The following MASTL variants were observed in gnomAD, a reference collection of about 807,000 sequenced individuals.
MASTL encodes the protein microtubule associated serine/threonine kinase like, also known as serine/threonine-protein kinase greatwall.
MASTL carries 54 observed loss-of-function variants against 82.5 expected under a neutral mutation model. The ratio of observed to expected loss-of-function variants is 0.65; its 90% CI spans 0.53 to 0.82. The LOEUF (loss-of-function observed/expected upper bound fraction) is 0.82. Among genes scored for constraint, MASTL ranks in the 40% least tolerant of loss-of-function variants. The pLI is 0.00. For synonymous variants in MASTL, 323 were observed against 368.9 expected (o/e 0.88, Z 1.43); for missense variants, 950 against 1,047.8 (o/e 0.91, Z 1.29).
In MASTL at chr10:27,159,768, G is replaced by A. The variant is rs769807901; in HGVS notation, c.464+10G>A. 2 of 1,607,900 alleles carry A rather than the reference G, an allele frequency of 1.2e-6. No homozygotes were observed. The highest frequency in any genetic ancestry group is 3.3e-5 in the Admixed American group (2 of 59,974). On this transcript the variant is annotated intron_variant, in intron 3 of 11. Transcript: ENST00000375940. The surrounding 1 kb of genome is among the most constrained non-coding windows in gnomAD (Gnocchi z 4.0). ...ATGGAATCATCCACAGGTAAAGACT[G>A]ACTTCTCCAAATTATTACTTAAAAA...
At chr10:27,183,404 C>T (rs1025161665) in intron 11 of MASTL, among the ~76,000 whole-genome samples, 3 of 152,016 alleles carry the variant, frequency 2.0e-5, no homozygotes, top group Non-Finnish European at 2.9e-5. Context: ...CTGCCTCAGC[C>T]CCCCAAGTAG....
Position 27,173,215 on chromosome 10 carries a change from C to A in MASTL, c.2222C>A (p.Thr741Asn), listed in dbSNP as rs779838722. ...GTTGATGATGGGCGAATTCTAGGAA[C>A]CCCAGACTACCTTGCACCTGAGCTG... ...APVDDGRILG[T>N]PDYLAPELLL... Residue 741 changes from threonine (T) to asparagine (N), a missense_variant, in exon 9 of 12, where the codon ACC becomes AAC. Coordinates refer to ENST00000375940, the MANE Select transcript of MASTL (RefSeq NM_001172303.3). The A allele has an allele frequency of 2.0e-5, 33 of 1,614,138 alleles. No homozygotes were observed. In the South Asian group the frequency reaches 3.6e-4, roughly 18 times the overall value.
At chr10:27,166,519 G>C (rs1365964852) in intron 6 of MASTL, among the ~76,000 whole-genome samples, 1 of 152,040 alleles carries the variant, frequency 6.6e-6, no homozygotes, top group East Asian at 1.9e-4. Flanking sequence ...ATACCTGTAA[G>C]TACAGCACTT....
At chr10:27,184,260 T>A (rs547382532) in intron 11 of MASTL, among the ~76,000 whole-genome samples, 1 of 152,308 alleles carries the variant, frequency 6.6e-6, no homozygotes, top group East Asian at 1.9e-4. Context: ...ACGAGACTTC[T>A]TTTTAGACAG....
Position 27,155,375 on chromosome 10 carries a change from T to C in MASTL, c.-52T>C, listed in dbSNP as rs1588629804. 6.5e-7 allele frequency: 1 copy of C among 1,533,744 alleles called. No individual in the cohort carries two copies. The highest frequency in any genetic ancestry group is 2.4e-5 in the East Asian group (1 of 41,368). On this transcript the variant is annotated 5_prime_UTR_variant, in exon 1 of 12. Coordinates refer to ENST00000375940, the MANE Select transcript of MASTL (RefSeq NM_001172303.3). ...TCACTTTGAACCCAGTTGGCGGGAGTGGCTGCTCGCGGAGGGGCAGTGTCT... is the reference window on the plus strand; with the variant it reads ...TCACTTTGAACCCAGTTGGCGGGAGCGGCTGCTCGCGGAGGGGCAGTGTCT...
rs757986015 is a variant in MASTL, at chr10:27,186,427, A to G, written c.2531A>G (p.Gln844Arg). The G allele has an allele frequency of 5.0e-6, 8 of 1,614,192 alleles. No homozygotes were observed. In the Admixed American group the frequency reaches 1.2e-4, roughly 24 times the overall value. ...AGTGATGTGGACTGGGAAAATCTGC[A>G]GCATCAGACTATGCCTTTCATCCCC... Reference protein sequence around the residue: ...LFSDVDWENLQHQTMPFIPQP... With the variant: ...LFSDVDWENLRHQTMPFIPQP... Residue 844 changes from glutamine to arginine, a missense_variant, in exon 12 of 12, where the codon CAG becomes CGG. Transcript: ENST00000375940.
chr10:27,165,335 G>A, intron 5 of MASTL, 54 bp from the exon 6 acceptor site: 1 of 1,571,800 alleles, frequency 6.4e-7, no homozygotes, highest in Non-Finnish European at 8.8e-7. Flanking sequence ...TATGTACTTA[G>A]GTGGTGTTTT....
At chr10:27,175,085 A>C (rs2058062104) in intron 9 of MASTL, among the ~76,000 whole-genome samples, 2 of 151,844 alleles carry the variant, frequency 1.3e-5, no homozygotes, top group African/African-American at 2.4e-5. Flanking sequence ...TCTCCCCAAC[A>C]TTGCCTAACT....
rs1174092901 is a variant in MASTL at position 27,186,426 on chromosome 10, C to T, written c.2530C>T (p.Gln844Ter). Residue 844 changes from glutamine to a stop codon, truncating the protein, a stop_gained, in exon 12 of 12, where the codon CAG becomes TAG. Transcript: ENST00000375940. LOFTEE classifies it high-confidence loss of function. ...LFSDVDWENL[Q>*]HQTMPFIPQP... ...CAGTGATGTGGACTGGGAAAATCTG[C>T]AGCATCAGACTATGCCTTTCATCCC... 1.2e-6 allele frequency: 2 copies of T among 1,614,084 alleles called. No individual in the cohort carries two copies. Among genetic ancestry groups the T allele is most frequent in the African/African-American group, 1.3e-5 (1 of 75,042 alleles).
chr10:27,155,412 G>A lies in MASTL; in HGVS notation c.-15G>A, dbSNP rs763640847. The A allele has an allele frequency of 6.3e-7, 1 of 1,597,182 alleles. No individual in the cohort carries two copies. The highest frequency in any genetic ancestry group is 8.5e-7 in the Non-Finnish European group (1 of 1,173,610). ...GAGGGGCAGTGTCTGCGGGGCCGCT[G>A]TATGCTGTCCAGCGATGGATCCCAC... On this transcript the variant is annotated 5_prime_UTR_variant, in exon 1 of 12. Transcript: ENST00000375940.
intron 3 of MASTL, among the ~76,000 whole-genome samples, chr10:27,160,767 AG>A (rs59578023): frequency 0.18 from 26,959 of 150,408 alleles, 3,118 homozygotes; most frequent in Middle Eastern, 0.3. Context: ...AAAAAAGAAA[AG>A]AAAAAAAAGA....
chr10:27,158,430 C>T (rs2057463272), intron 1 of MASTL, 119 bp from the exon 2 acceptor site: 1 of 795,130 alleles, frequency 1.3e-6, no homozygotes, highest in African/African-American at 1.7e-5. Context: ...TAACTTGAGC[C>T]TAGGAAATCA....
intron 9 of MASTL, among the ~76,000 whole-genome samples, chr10:27,174,675 A>G (rs766800324): frequency 1.3e-5 from 2 of 152,056 alleles, no homozygotes; most frequent in Non-Finnish European, 2.9e-5. Flanking sequence ...GCCTCATTCC[A>G]GTTCTCCCTC....
chr10:27,182,070 C>G (rs1432067124), intron 11 of MASTL, among the ~76,000 whole-genome samples: 1 of 140,306 alleles, frequency 7.1e-6, no homozygotes, highest in African/African-American at 2.6e-5. Context: ...GCGAGACTCC[C>G]TCTCAAAAAA....
intron 4 of MASTL, among the ~76,000 whole-genome samples, chr10:27,164,462 A>G (rs1233570784): frequency 6.6e-6 from 1 of 152,116 alleles, no homozygotes; most frequent in Non-Finnish European, 1.5e-5. Context: ...TTCTCTTACC[A>G]TTTTTTATAT....
At chr10:27,156,523 A>G (rs1036014914) in intron 1 of MASTL, among the ~76,000 whole-genome samples, 7 of 149,190 alleles carry the variant, frequency 4.7e-5, no homozygotes, top group African/African-American at 1.7e-4. Flanking sequence ...TTTTTTTAAG[A>G]CAGTCTTTCT....
At chr10:27,163,613 T>C (rs7920178) in intron 4 of MASTL, among the ~76,000 whole-genome samples, 11,351 of 151,098 alleles carry the variant, frequency 0.075, 630 homozygotes, top group African/African-American at 0.16. Flanking sequence ...TTCATTTATT[T>C]ACTTATTTGT....
intron 9 of MASTL, among the ~76,000 whole-genome samples, chr10:27,178,965 G>A (rs763891717): frequency 6.6e-6 from 1 of 152,056 alleles, no homozygotes; most frequent in Non-Finnish European, 1.5e-5. Flanking sequence ...AGGTAAAATG[G>A]CACTCTAAAT....
chr10:27,157,757 T>C (rs570989042), intron 1 of MASTL, among the ~76,000 whole-genome samples: 2 of 152,178 alleles, frequency 1.3e-5, no homozygotes, highest in Admixed American at 1.3e-4. Flanking sequence ...CATTTGGGAC[T>C]GTTAAATTTC....
Sources: allele counts gnomAD v4.1 joint callset (sites outside exome capture counted in the v4.1 genomes callset), GRCh38; gene constraint gnomAD v4.1.1; non-coding constraint Gnocchi (gnomAD v3.1); transcripts MANE v1.5; gene names NCBI Gene and HGNC (gene_info 2026-07-23, HGNC 2026-07-21).